The following B3GALT1 variants were observed in gnomAD, a reference collection of about 807,000 sequenced individuals.
The protein encoded by B3GALT1 is beta-1,3-galactosyltransferase 1.
Under a neutral mutation model 23.2 loss-of-function variants are expected in B3GALT1, and 10 were observed. That is an observed-to-expected ratio of 0.43 (90% CI 0.27 to 0.73). The LOEUF (loss-of-function observed/expected upper bound fraction) is 0.73, where lower values mean the gene tolerates loss of function less well. Among genes scored for constraint, B3GALT1 ranks in the 30% least tolerant of loss-of-function variants. The probability of loss-of-function intolerance (pLI) is 0.21; values close to 1 mark genes in which losing one functional copy is unlikely to be tolerated. For missense variants in B3GALT1, 299 were observed against 405.4 expected (o/e 0.74, Z 2.25); for synonymous variants, 156 against 141.5 (o/e 1.10, Z -0.73).
chr2:167,669,624 C>G (rs970201131), intron 3 of B3GALT1, among the ~76,000 whole-genome samples: 1 of 152,092 alleles, frequency 6.6e-6, no homozygotes, highest in Non-Finnish European at 1.5e-5. Context: ...AGAAATGTAT[C>G]TAAAATTTAT....
chr2:167,438,899 A>T (rs1698831480), intron 1 of B3GALT1, among the ~76,000 whole-genome samples: 1 of 152,184 alleles, frequency 6.6e-6, no homozygotes, highest in African/African-American at 2.4e-5. Context: ...AGAGGAAGTG[A>T]CTATTTCCCC....
intron 3 of B3GALT1, among the ~76,000 whole-genome samples, chr2:167,733,670 T>G (rs1486882098): frequency 1.3e-5 from 2 of 152,216 alleles, no homozygotes; most frequent in Non-Finnish European, 2.9e-5. Flanking sequence ...CCGAATGACT[T>G]GCCAAGAATG....
intron 1 of B3GALT1, among the ~76,000 whole-genome samples, chr2:167,432,111 T>G (rs1698715583): frequency 6.6e-6 from 1 of 152,120 alleles, no homozygotes; most frequent in Non-Finnish European, 1.5e-5. Context: ...AGGCAAACTC[T>G]ACATAGGACC....
chr2:167,381,765 A>G (rs1040104257), intron 1 of B3GALT1, among the ~76,000 whole-genome samples: 1 of 152,234 alleles, frequency 6.6e-6, no homozygotes, highest in Non-Finnish European at 1.5e-5. Context: ...AAGTAATACC[A>G]GCTGTTAACT....
intron 4 of B3GALT1, among the ~76,000 whole-genome samples, chr2:167,828,883 T>C (rs186984749): frequency 3.9e-5 from 6 of 152,338 alleles, no homozygotes; most frequent in Admixed American, 3.3e-4. Flanking sequence ...ACATTAACAC[T>C]GTCCTGTCTC....
intron 2 of B3GALT1, among the ~76,000 whole-genome samples, chr2:167,601,713 T>G (rs1220364590): frequency 6.6e-6 from 1 of 152,222 alleles, no homozygotes; most frequent in East Asian, 1.9e-4. Flanking sequence ...CCCATATGGC[T>G]CAGACACCTG....
At chr2:167,561,515 G>C (rs879172166) in intron 2 of B3GALT1, among the ~76,000 whole-genome samples, 1 of 151,908 alleles carries the variant, frequency 6.6e-6, no homozygotes, top group Admixed American at 6.6e-5. Flanking sequence ...ATGAATCCAG[G>C]AGCTGGTTTT....
intron 1 of B3GALT1, among the ~76,000 whole-genome samples, chr2:167,381,278 C>T (rs1697844221): frequency 6.6e-6 from 1 of 152,074 alleles, no homozygotes; most frequent in East Asian, 1.9e-4. Context: ...GTAGGCTGGT[C>T]CCGAACTCCT....
intron 2 of B3GALT1, among the ~76,000 whole-genome samples, chr2:167,501,653 A>G (rs1358483431): frequency 6.6e-6 from 1 of 151,358 alleles, no homozygotes; most frequent in African/African-American, 2.4e-5. Context: ...GTCATTTCCA[A>G]ATTTTGAAAA....
rs10930269 is a variant in B3GALT1 at position 167,368,898 on chromosome 2, C to G, written c.-511+75564C>G. On this transcript the variant is annotated intron_variant, in intron 1 of 4. Coordinates refer to ENST00000392690, the MANE Select transcript of B3GALT1 (RefSeq NM_020981.4). Reference sequence around the variant, plus strand: ...CATTAGGTATTGCATGCTTCCCCCCCCCATGTGAGTATTCCTAAGATAGTA... The same window carrying G: ...CATTAGGTATTGCATGCTTCCCCCCGCCATGTGAGTATTCCTAAGATAGTA... Among the ~76,000 whole-genome samples the G allele has an allele frequency of 9.1e-3, 1,386 of 152,098 alleles. 18 individuals are homozygous for G. The highest frequency in any genetic ancestry group is 0.03 in the African/African-American group (1,235 of 41,446).
intron 1 of B3GALT1, among the ~76,000 whole-genome samples, chr2:167,319,814 G>C (rs149142535): frequency 6.6e-6 from 1 of 152,158 alleles, no homozygotes; most frequent in Non-Finnish European, 1.5e-5. Flanking sequence ...TGCATGCCAA[G>C]GTCCTGTTCT....
intron 2 of B3GALT1, among the ~76,000 whole-genome samples, chr2:167,629,950 T>A (rs1685410211): frequency 6.6e-6 from 1 of 151,712 alleles, no homozygotes; most frequent in Admixed American, 6.6e-5. Flanking sequence ...CTCTGGGCAT[T>A]TTTTTCTTGG....
chr2:167,750,613 C>T (rs1687719715), intron 3 of B3GALT1, among the ~76,000 whole-genome samples: 1 of 151,992 alleles, frequency 6.6e-6, no homozygotes, highest in African/African-American at 2.4e-5. Context: ...CTGGTACTGT[C>T]CCCTCAGGTG....
At position 167,304,854 on chromosome 2, in the gene B3GALT1, G is replaced by A. The variant is rs1696525212; in HGVS notation, c.-511+11520G>A. On this transcript the variant is annotated intron_variant, in intron 1 of 4. Coordinates refer to ENST00000392690, the MANE Select transcript of B3GALT1 (RefSeq NM_020981.4). ...TGAGTCTGAAGGCCTGAGAATGTGG[G>A]GAATCAATAGTGTAAATTTATGTTG... 2.0e-5 allele frequency among the ~76,000 whole-genome samples: 3 copies of A among 152,068 alleles called. No homozygotes were observed. In the South Asian group the frequency reaches 6.2e-4, roughly 32 times the overall value.
intron 1 of B3GALT1, among the ~76,000 whole-genome samples, chr2:167,472,129 G>T (rs1178503328): frequency 6.6e-6 from 1 of 152,092 alleles, no homozygotes; most frequent in Non-Finnish European, 1.5e-5. Context: ...TACATGTTTG[G>T]CTCTTCAGGA....
intron 2 of B3GALT1, among the ~76,000 whole-genome samples, chr2:167,540,813 C>T (rs1043402810): frequency 1.3e-5 from 2 of 152,104 alleles, no homozygotes; most frequent in Non-Finnish European, 2.9e-5. Context: ...TCTTGAAAAA[C>T]AGAAGGTAGG....
At chr2:167,613,601 T>C (rs1210106724) in intron 2 of B3GALT1, among the ~76,000 whole-genome samples, 1 of 151,704 alleles carries the variant, frequency 6.6e-6, no homozygotes, top group Non-Finnish European at 1.5e-5. Flanking sequence ...GGATGCATGT[T>C]ACTTCCATAA....
intron 1 of B3GALT1, among the ~76,000 whole-genome samples, 153 bp downstream of exon 1, chr2:167,293,487 C>T (rs1051237919): frequency 1.3e-5 from 2 of 152,146 alleles, no homozygotes; most frequent in South Asian, 2.1e-4. Context: ...TGCCCGCGCC[C>T]GTGCGGCTCC....
intron 3 of B3GALT1, among the ~76,000 whole-genome samples, chr2:167,689,067 C>A (rs1686665710): frequency 6.7e-6 from 1 of 150,330 alleles, no homozygotes; most frequent in African/African-American, 2.5e-5. Flanking sequence ...TAAAATATTG[C>A]TGTTTTCAAT....
Sources: allele counts gnomAD v4.1 joint callset (sites outside exome capture counted in the v4.1 genomes callset), GRCh38; gene constraint gnomAD v4.1.1; transcripts MANE v1.5; gene names NCBI Gene and HGNC (gene_info 2026-07-23, HGNC 2026-07-21).